Variants in PPP1R12A observed in about 807,000 individuals in gnomAD.
PPP1R12A encodes the protein protein phosphatase 1 regulatory subunit 12A.
Under a neutral mutation model 139.6 loss-of-function variants are expected in PPP1R12A, and 19 were observed. That is an observed-to-expected ratio of 0.14 (90% CI 0.09 to 0.20). PPP1R12A has a LOEUF of 0.20. Among genes scored for constraint, PPP1R12A ranks in the 10% least tolerant of loss-of-function variants. The pLI is 1.00. For missense variants in PPP1R12A, 925 were observed against 1,211.5 expected (o/e 0.76, Z 3.51); for synonymous variants, 427 against 420.6 (o/e 1.02, Z -0.19).
rs1322789423 is a variant in PPP1R12A at position 79,928,064 on chromosome 12, GTTTTC to G, written c.237+6626_237+6630del. On this transcript the variant is annotated intron_variant, in intron 1 of 24. Transcript: ENST00000450142. Reference sequence around the variant, plus strand: ...CCCCCTATTAAAAGGTTTTTAAATAGTTTTCTTTTAAAAATCATCTAATAAGATTT... The same window carrying G: ...CCCCCTATTAAAAGGTTTTTAAATAGTTTTAAAAATCATCTAATAAGATTT... 2.0e-5 allele frequency among the ~76,000 whole-genome samples: 3 copies of G among 152,212 alleles called. No individual in the cohort carries two copies. The East Asian group carries it at 5.8e-4, about 29-fold the overall frequency.
chr12:79,794,488 A>C (rs2137019352), intron 18 of PPP1R12A, among the ~76,000 whole-genome samples: 1 of 152,108 alleles, frequency 6.6e-6, no homozygotes, highest in South Asian at 2.1e-4. Context: ...TCATGTAATT[A>C]AGTAATTAGT....
intron 1 of PPP1R12A, among the ~76,000 whole-genome samples, chr12:79,925,410 T>A (rs1565820084): frequency 6.6e-6 from 1 of 152,198 alleles, no homozygotes; most frequent in Non-Finnish European, 1.5e-5. Flanking sequence ...CTTTGTACAA[T>A]CTTATGATTT....
intron 2 of PPP1R12A, among the ~76,000 whole-genome samples, chr12:79,859,605 A>G (rs988159474): frequency 7.2e-5 from 11 of 152,076 alleles, no homozygotes; most frequent in Non-Finnish European, 1.3e-4. Flanking sequence ...ATTTTTTTCT[A>G]TGCTGAAAAT....
At chr12:79,802,708 G>A (rs1873339748) in intron 14 of PPP1R12A, among the ~76,000 whole-genome samples, 1 of 152,074 alleles carries the variant, frequency 6.6e-6, no homozygotes, top group South Asian at 2.1e-4. Context: ...TTGAGCCCAG[G>A]AGGTCATGGC....
intron 17 of PPP1R12A, 151 bp downstream of exon 17, chr12:79,796,631 C>T (rs1374159172): frequency 7.0e-6 from 4 of 574,370 alleles, no homozygotes; most frequent in African/African-American, 2.0e-5. Flanking sequence ...TTCTACTTTT[C>T]TCATTCTCAA....
intron 1 of PPP1R12A, among the ~76,000 whole-genome samples, chr12:79,883,796 T>C (rs111632324): frequency 0.016 from 2,368 of 152,282 alleles, 68 homozygotes; most frequent in African/African-American, 0.055. Flanking sequence ...ATGATCAGGA[T>C]ATTGTGCTTG....
intron 1 of PPP1R12A, among the ~76,000 whole-genome samples, chr12:79,887,005 T>G (rs2137404551): frequency 6.6e-6 from 1 of 152,254 alleles, no homozygotes; most frequent in African/African-American, 2.4e-5. Context: ...ACAAAATAAA[T>G]TGAACTTCAG....
At chr12:79,870,052 C>T (rs1882409103) in intron 2 of PPP1R12A, among the ~76,000 whole-genome samples, 1 of 151,884 alleles carries the variant, frequency 6.6e-6, no homozygotes, top group African/African-American at 2.4e-5. Context: ...TCATTAATTT[C>T]ACTTAATCAT....
At chr12:79,809,118 CAACTGCACAGTA>C (rs751937865) in intron 10 of PPP1R12A, among the ~76,000 whole-genome samples, 1 of 151,856 alleles carries the variant, frequency 6.6e-6, no homozygotes, top group Non-Finnish European at 1.5e-5. Flanking sequence ...ACCTGGAAAC[CAACTGCACAGTA>C]AACTGATAAA....
In PPP1R12A at chr12:79,929,191, T is replaced by C. The variant is rs532266999; in HGVS notation, c.237+5504A>G. On this transcript the variant is annotated intron_variant, in intron 1 of 24. Transcript: ENST00000450142. ...GTTCACAATAGGGTCCGCACTCCTATGGGAATCTAATGCCGCTGCTGATCT... is the reference window on the plus strand; with the variant it reads ...GTTCACAATAGGGTCCGCACTCCTACGGGAATCTAATGCCGCTGCTGATCT... 4.6e-5 allele frequency among the ~76,000 whole-genome samples: 7 copies of C among 152,290 alleles called. No individual in the cohort carries two copies. In the South Asian group the frequency reaches 1.5e-3, roughly 32 times the overall value.
intron 1 of PPP1R12A, among the ~76,000 whole-genome samples, chr12:79,924,432 CT>C (rs1269065270): frequency 6.6e-6 from 1 of 151,996 alleles, no homozygotes; most frequent in African/African-American, 2.4e-5. Flanking sequence ...GCATCACAAC[CT>C]TTTTTTAAAA....
chr12:79,931,376 A>C (rs1888241421), intron 1 of PPP1R12A, among the ~76,000 whole-genome samples: 2 of 152,300 alleles, frequency 1.3e-5, no homozygotes, highest in Admixed American at 6.5e-5. Context: ...ACATAACCCC[A>C]AAAAATGGAA....
rs77347957 is a variant in PPP1R12A at position 79,882,583 on chromosome 12, T to C, written c.238-9645A>G. 9.1e-3 allele frequency among the ~76,000 whole-genome samples: 1,389 copies of C among 152,292 alleles called. 20 individuals are homozygous for C. The highest frequency in any genetic ancestry group is 0.031 in the African/African-American group (1,283 of 41,556). On this transcript the variant is annotated intron_variant, in intron 1 of 24. Coordinates refer to ENST00000450142, the MANE Select transcript of PPP1R12A (RefSeq NM_002480.3). ...CCTGGTGAAGATGCTGTGAACATTG[T>C]TGAAATAGCAATAAAAGGTTTAGAA...
chr12:79,863,942 T>C (rs535990350), intron 2 of PPP1R12A, among the ~76,000 whole-genome samples: 1 of 152,128 alleles, frequency 6.6e-6, no homozygotes, highest in African/African-American at 2.4e-5. Flanking sequence ...AGACAGAAAA[T>C]TAACAAGGAT....
chr12:79,784,479 T>C (rs1274620935), intron 22 of PPP1R12A, among the ~76,000 whole-genome samples: 1 of 152,178 alleles, frequency 6.6e-6, no homozygotes, highest in African/African-American at 2.4e-5. Flanking sequence ...ATTCTATCAA[T>C]TCCCCTCTCT....
At chr12:79,785,517 A>G (rs1351997527) in intron 22 of PPP1R12A, among the ~76,000 whole-genome samples, 1 of 152,094 alleles carries the variant, frequency 6.6e-6, no homozygotes, top group Non-Finnish European at 1.5e-5. Context: ...ACATAGTCCC[A>G]TTCACAGATC....
chr12:79,835,698 G>A (rs1203840982), intron 3 of PPP1R12A, among the ~76,000 whole-genome samples: 1 of 152,182 alleles, frequency 6.6e-6, no homozygotes, highest in Non-Finnish European at 1.5e-5. Context: ...GCTTCTGTAA[G>A]ACAAAGCTCA....
intron 2 of PPP1R12A, among the ~76,000 whole-genome samples, chr12:79,852,300 C>T (rs1880142949): frequency 6.6e-6 from 1 of 151,770 alleles, no homozygotes; most frequent in African/African-American, 2.4e-5. Context: ...AAGTGATCCT[C>T]CCACCTAAGC....
intron 9 of PPP1R12A, among the ~76,000 whole-genome samples, chr12:79,814,839 A>AT (rs1875130739): frequency 6.6e-6 from 1 of 151,174 alleles, no homozygotes; most frequent in Non-Finnish European, 1.5e-5. Context: ...AAAAAAAAAA[A>AT]AATTCAAAAT....
Sources: gnomAD v4.1 joint callset for allele counts (sites outside exome capture counted in the v4.1 genomes callset) on GRCh38, gnomAD v4.1.1 for gene constraint, MANE v1.5 for transcripts, NCBI Gene and HGNC (gene_info 2026-07-23, HGNC 2026-07-21) for gene names.